Variants in NAALADL2 observed in about 807,000 individuals in gnomAD.
The protein encoded by NAALADL2 is N-acetylated alpha-linked acidic dipeptidase like 2, also known as inactive N-acetylated-alpha-linked acidic dipeptidase-like protein 2.
NAALADL2 carries 76 observed loss-of-function variants against 87.2 expected under a neutral mutation model. That is an observed-to-expected ratio of 0.87 (90% CI 0.72 to 1.05). NAALADL2 has a LOEUF of 1.05. NAALADL2 is among the 50% of genes least tolerant of loss of function. The pLI, the probability that NAALADL2 is intolerant of heterozygous loss-of-function variation, is 0.00. For missense variants in NAALADL2, 1,089 were observed against 945.8 expected (o/e 1.15, Z -1.99); for synonymous variants, 354 against 331.0 (o/e 1.07, Z -0.75).
At chr3:174,526,696 G>A (rs1343631871) in intron 1 of NAALADL2, among the ~76,000 whole-genome samples, 2 of 140,578 alleles carry the variant, frequency 1.4e-5, no homozygotes, top group African/African-American at 5.4e-5. Context: ...TTTTTTTTGA[G>A]ATGGAGTCTC....
intron 1 of NAALADL2, among the ~76,000 whole-genome samples, chr3:175,005,014 G>T (rs531358990): frequency 8.5e-5 from 13 of 152,230 alleles, no homozygotes; most frequent in Middle Eastern, 6.8e-3. Context: ...CAGAAAACGA[G>T]TAAAATGAAA....
At chr3:175,328,464 A>C (rs921536810) in intron 5 of NAALADL2, among the ~76,000 whole-genome samples, 1 of 151,236 alleles carries the variant, frequency 6.6e-6, no homozygotes, top group African/African-American at 2.4e-5. Flanking sequence ...ATTGCGGGGG[A>C]GGCAGAGAGT....
intron 1 of NAALADL2, among the ~76,000 whole-genome samples, chr3:174,997,044 GTA>G (rs146460251): frequency 4.9e-5 from 5 of 101,524 alleles, no homozygotes; most frequent in Non-Finnish European, 5.9e-5. Flanking sequence ...GTGTGTATGT[GTA>G]TATATATATA....
At chr3:174,806,216 A>G (rs1311595639) in intron 3 of NAALADL2, among the ~76,000 whole-genome samples, 8 of 152,168 alleles carry the variant, frequency 5.3e-5, no homozygotes, top group African/African-American at 1.4e-4. Flanking sequence ...TTAGGACCCA[A>G]TACCTATGAA....
intron 2 of NAALADL2, among the ~76,000 whole-genome samples, chr3:174,629,658 C>T (rs954026521): frequency 2.6e-5 from 4 of 152,122 alleles, no homozygotes; most frequent in Admixed American, 6.6e-5. Flanking sequence ...AATCTGATAC[C>T]GTTATATCTT....
chr3:174,777,799 C>T (rs1715400825), intron 3 of NAALADL2, among the ~76,000 whole-genome samples: 1 of 152,078 alleles, frequency 6.6e-6, no homozygotes, highest in Non-Finnish European at 1.5e-5. Flanking sequence ...TACTGAACCT[C>T]TCCTTTCCAC....
intron 1 of NAALADL2, among the ~76,000 whole-genome samples, chr3:174,903,117 G>A (rs1340180106): frequency 6.6e-6 from 1 of 151,962 alleles, no homozygotes; most frequent in Non-Finnish European, 1.5e-5. Flanking sequence ...TTAATAGAAT[G>A]TAAAAGCAAA....
chr3:175,195,609 G>T (rs1738868190), intron 2 of NAALADL2, among the ~76,000 whole-genome samples: 1 of 151,810 alleles, frequency 6.6e-6, no homozygotes, highest in African/African-American at 2.4e-5. Context: ...AGGGTCTGAA[G>T]ATGATGAATG....
At chr3:175,766,309 T>C (rs887978194) in intron 13 of NAALADL2, among the ~76,000 whole-genome samples, 13 of 152,162 alleles carry the variant, frequency 8.5e-5, no homozygotes, top group Admixed American at 3.3e-4. Context: ...AAAATGTTTT[T>C]ACATAAATAA....
chr3:174,824,089 T>A (rs2109341810), intron 3 of NAALADL2, among the ~76,000 whole-genome samples: 1 of 152,322 alleles, frequency 6.6e-6, no homozygotes, highest in East Asian at 1.9e-4. Context: ...AAATGTGTAT[T>A]ATCTAAGGGA....
chr3:175,016,712 A>G (rs913957398), intron 1 of NAALADL2, among the ~76,000 whole-genome samples: 2 of 151,918 alleles, frequency 1.3e-5, no homozygotes, highest in Admixed American at 6.6e-5. Context: ...GAAAATAGCT[A>G]TTTTTGTATG....
intron 2 of NAALADL2, among the ~76,000 whole-genome samples, chr3:175,188,141 T>G (rs1028148596): frequency 1.3e-5 from 2 of 152,188 alleles, no homozygotes; most frequent in Admixed American, 6.5e-5. Flanking sequence ...TTTTCTATCA[T>G]GAATTTTGAC....
intron 1 of NAALADL2, among the ~76,000 whole-genome samples, chr3:174,505,392 G>A (rs1719138753): frequency 6.6e-6 from 1 of 152,124 alleles, no homozygotes; most frequent in South Asian, 2.1e-4. Context: ...TTAGTAATTT[G>A]CAGATGAGAC....
chr3:175,505,846 C>A (rs116435897), intron 9 of NAALADL2, among the ~76,000 whole-genome samples: 25 of 152,278 alleles, frequency 1.6e-4, no homozygotes, highest in African/African-American at 5.8e-4. Context: ...TTTCTCCATT[C>A]ACTTTAGATT....
chr3:175,008,850 A>G (rs1749404298), intron 1 of NAALADL2, among the ~76,000 whole-genome samples: 1 of 149,006 alleles, frequency 6.7e-6, no homozygotes, highest in South Asian at 2.1e-4. Context: ...ATTATATTCC[A>G]TACAGTGAGC....
chr3:175,041,466 T>A (rs1291471872), intron 1 of NAALADL2, among the ~76,000 whole-genome samples: 1 of 152,170 alleles, frequency 6.6e-6, no homozygotes, highest in Non-Finnish European at 1.5e-5. Context: ...TGGGATTTTC[T>A]TAAGATATTG....
intron 11 of NAALADL2, among the ~76,000 whole-genome samples, chr3:175,672,307 A>C (rs548553066): frequency 1.1e-3 from 160 of 152,240 alleles, no homozygotes; most frequent in Non-Finnish European, 1.8e-3. Flanking sequence ...ATGAGCAGTG[A>C]GCATAAATAC....
At chr3:174,495,937 A>G (rs1014928616) in intron 1 of NAALADL2, among the ~76,000 whole-genome samples, 7 of 152,186 alleles carry the variant, frequency 4.6e-5, no homozygotes, top group Admixed American at 3.9e-4. Context: ...TCATACAGCC[A>G]TTGAAATGCA....
At chr3:174,714,327 A>G (rs1730976510) in intron 2 of NAALADL2, among the ~76,000 whole-genome samples, 2 of 152,068 alleles carry the variant, frequency 1.3e-5, no homozygotes, top group African/African-American at 4.8e-5. Context: ...GTTTTTTCCA[A>G]TTCTGTGAAG....
Sources: gnomAD v4.1 joint callset for allele counts (sites outside exome capture counted in the v4.1 genomes callset) on GRCh38, gnomAD v4.1.1 for gene constraint, MANE v1.5 for transcripts, NCBI Gene and HGNC (gene_info 2026-07-23, HGNC 2026-07-21) for gene names.